The following ADAMTS20 variants were observed in gnomAD, a reference collection of about 807,000 sequenced individuals.
ADAMTS20 encodes ADAM metallopeptidase with thrombospondin type 1 motif 20.
Under a neutral mutation model 260.1 loss-of-function variants are expected in ADAMTS20, and 225 were observed. That is an observed-to-expected ratio of 0.87 (90% CI 0.78 to 0.97). ADAMTS20 has a LOEUF of 0.97. ADAMTS20 is among the 50% of genes least tolerant of loss of function. The pLI, the probability that ADAMTS20 is intolerant of heterozygous loss-of-function variation, is 0.00. For missense variants in ADAMTS20, 2,400 were observed against 2,337.7 expected, an observed-to-expected ratio of 1.03 and a Z score of -0.55; for synonymous variants, 802 against 769.5, an observed-to-expected ratio of 1.04 and a Z score of -0.70.
At chr12:43,468,236 G>A (rs1159769483) in intron 8 of ADAMTS20, among the ~76,000 whole-genome samples, 1 of 152,172 alleles carries the variant, frequency 6.6e-6, no homozygotes, top group African/African-American at 2.4e-5. Context: ...CAAATATTTG[G>A]GGGAGTCCCC....
At chr12:43,408,919 A>T (rs1442915090) in intron 28 of ADAMTS20, among the ~76,000 whole-genome samples, 1 of 151,934 alleles carries the variant, frequency 6.6e-6, no homozygotes, top group Admixed American at 6.6e-5. Flanking sequence ...GATAATAATA[A>T]CACTTACATC....
chr12:43,454,009 C>A lies in ADAMTS20; in HGVS notation c.1658G>T (p.Arg553Leu), dbSNP rs145221268. ...GLCVNKETETRPVNGEWGPWE... is the reference protein window; with the variant it reads ...GLCVNKETETLPVNGEWGPWE... ...TGGTCCCCATTCACCATTTACAGGA[C>A]GTGTTTCCGTTTCTTTGTTTACACA... Residue 553 changes from arginine (R) to leucine (L), a missense_variant, in exon 12 of 39, where the codon CGT becomes CTT. Arg to Leu is a moderately radical substitution (Grantham distance 102). Transcript: ENST00000389420. 1 of 1,613,702 alleles carries A rather than the reference C, an allele frequency of 6.2e-7. No individual in the cohort carries two copies. Among genetic ancestry groups the A allele is most frequent in the Non-Finnish European group, 8.5e-7 (1 of 1,179,778 alleles).
chr12:43,378,713 C>T (rs924189678), intron 31 of ADAMTS20, among the ~76,000 whole-genome samples: 5 of 152,102 alleles, frequency 3.3e-5, no homozygotes, highest in Admixed American at 6.5e-5. Context: ...TGCAAAGAAC[C>T]TGGAAAATAA....
At chr12:43,461,093 C>T (rs567738712) in intron 11 of ADAMTS20, among the ~76,000 whole-genome samples, 145 of 146,066 alleles carry the variant, frequency 9.9e-4, no homozygotes, top group Admixed American at 2.4e-3. Context: ...CAGGTTCAAG[C>T]GATTATACTG....
chr12:43,447,716 T>C (rs1202508285), intron 14 of ADAMTS20, among the ~76,000 whole-genome samples: 1 of 152,162 alleles, frequency 6.6e-6, no homozygotes, highest in Non-Finnish European at 1.5e-5. Flanking sequence ...TGCTGGCTGA[T>C]GACATGATTA....
intron 29 of ADAMTS20, among the ~76,000 whole-genome samples, chr12:43,392,880 A>G (rs1202675610): frequency 6.6e-6 from 1 of 152,086 alleles, no homozygotes; most frequent in Non-Finnish European, 1.5e-5. Context: ...GGCTCCATTT[A>G]TAACTGGCTT....
At chr12:43,439,534 AT>A in intron 18 of ADAMTS20, 87 bp downstream of exon 18, 1 of 1,474,118 alleles carries the variant, frequency 6.8e-7, no homozygotes, top group Non-Finnish European at 9.1e-7. Flanking sequence ...AGTGGGGAGG[AT>A]TCCATAGGCA....
chr12:43,431,581 T>C (rs755281216), intron 21 of ADAMTS20, 85 bp from the exon 22 acceptor site: 57 of 1,465,836 alleles, frequency 3.9e-5, no homozygotes, highest in African/African-American at 1.4e-5. Flanking sequence ...AATTTGCATA[T>C]AGAAATACAG....
At chr12:43,366,098 A>G (rs994439663) in intron 37 of ADAMTS20, among the ~76,000 whole-genome samples, 58 of 151,866 alleles carry the variant, frequency 3.8e-4, no homozygotes, top group Non-Finnish European at 1.3e-4. Flanking sequence ...AATACTCTAT[A>G]AGAGACATTC....
At chr12:43,420,024 T>C (rs765663113) in intron 28 of ADAMTS20, among the ~76,000 whole-genome samples, 2 of 152,216 alleles carry the variant, frequency 1.3e-5, no homozygotes, top group African/African-American at 2.4e-5. Context: ...TGCCAGGTTA[T>C]GACAGAATAG....
intron 29 of ADAMTS20, among the ~76,000 whole-genome samples, chr12:43,393,882 C>T (rs1019340670): frequency 1.3e-5 from 2 of 152,012 alleles, no homozygotes; most frequent in East Asian, 1.9e-4. Context: ...TTCATTGTGG[C>T]TATGTTCACC....
At chr12:43,421,282 C>CAAAAAAAAAAAAAAAAAAAAAAAAAAAA (rs61465679) in intron 28 of ADAMTS20, among the ~76,000 whole-genome samples, 1 of 118,892 alleles carries the variant, frequency 8.4e-6, no homozygotes, top group Non-Finnish European at 1.8e-5. Context: ...CTTTCATTTA[C>CAAAAAAAAAAAAAAAAAAAAAAAAAAAA]AAAAAAAAAA....
chr12:43,367,016 A>T lies in ADAMTS20; in HGVS notation c.5538+2274T>A, dbSNP rs566810966. On this transcript the variant is annotated intron_variant, in intron 37 of 38. Transcript: ENST00000389420. ...ACCAAAACAAATTCAAGAACAACAA[A>T]AATTTGAATACATCTATAATAAATA... 2.6e-5 allele frequency among the ~76,000 whole-genome samples: 4 copies of T among 152,092 alleles called. No homozygotes were observed. The South Asian group carries it at 8.3e-4, about 32-fold the overall frequency.
intron 4 of ADAMTS20, among the ~76,000 whole-genome samples, chr12:43,498,428 T>G (rs1293843019): frequency 6.6e-6 from 1 of 152,170 alleles, no homozygotes; most frequent in Admixed American, 6.5e-5. Context: ...TATTTCCCCC[T>G]TTATATTTGG....
intron 18 of ADAMTS20, among the ~76,000 whole-genome samples, chr12:43,439,411 G>T (rs1049055604): frequency 2.0e-5 from 3 of 152,174 alleles, no homozygotes; most frequent in African/African-American, 7.2e-5. Context: ...AGGGTGAAAA[G>T]AGTAGCATTA....
Position 43,391,062 on chromosome 12 carries a change from G to T in ADAMTS20, c.4453-7085C>A, listed in dbSNP as rs552261077. 1.1e-4 allele frequency among the ~76,000 whole-genome samples: 16 copies of T among 152,288 alleles called. No homozygotes were observed. The South Asian group carries it at 2.1e-3, about 20-fold the overall frequency. ...CAGAAATTTATTTCTCACAGTTCTGGAGGCTGGGAATTTCAAGATCAAGGT... is the reference window on the plus strand; with the variant it reads ...CAGAAATTTATTTCTCACAGTTCTGTAGGCTGGGAATTTCAAGATCAAGGT... On this transcript the variant is annotated intron_variant, in intron 29 of 38. Coordinates refer to ENST00000389420, the MANE Select transcript of ADAMTS20 (RefSeq NM_025003.5).
chr12:43,389,692 T>TG (rs1555174072), intron 29 of ADAMTS20, among the ~76,000 whole-genome samples: 3 of 151,694 alleles, frequency 2.0e-5, no homozygotes, highest in Non-Finnish European at 4.4e-5. Flanking sequence ...CAGCCAGGTT[T>TG]TTTTTGTTTT....
At chr12:43,387,307 T>G (rs1469321797) in intron 29 of ADAMTS20, among the ~76,000 whole-genome samples, 1 of 152,196 alleles carries the variant, frequency 6.6e-6, no homozygotes, top group Non-Finnish European at 1.5e-5. Flanking sequence ...TGCCTGGGTA[T>G]CACCAGCAGA....
At chr12:43,540,185 T>C (rs769031748) in intron 2 of ADAMTS20, among the ~76,000 whole-genome samples, 6 of 152,194 alleles carry the variant, frequency 3.9e-5, no homozygotes, top group South Asian at 4.1e-4. Flanking sequence ...CAGAATTCTT[T>C]TAAGCTCCTT....
Sources: gnomAD v4.1 joint callset for allele counts (sites outside exome capture counted in the v4.1 genomes callset) on GRCh38, gnomAD v4.1.1 for gene constraint, MANE v1.5 for transcripts, NCBI Gene and HGNC (gene_info 2026-07-23, HGNC 2026-07-21) for gene names.